PKIA: variants seen among roughly 807,000 people sequenced by gnomAD.
PKIA encodes PKI-alpha.
PKIA carries 4 observed loss-of-function variants against 7.6 expected under a neutral mutation model. The ratio of observed to expected loss-of-function variants is 0.52; its 90% CI spans 0.26 to 1.20. The LOEUF is 1.20. PKIA is among the 50% of genes most tolerant of loss of function. PKIA has a pLI of 0.13. For synonymous variants in PKIA, 21 were observed against 30.7 expected (o/e 0.68, Z 1.04); for missense variants, 73 against 86.2 (o/e 0.85, Z 0.61).
intron 1 of PKIA, among the ~76,000 whole-genome samples, chr8:78,554,504 T>C (rs1807078317): frequency 6.6e-6 from 1 of 152,020 alleles, no homozygotes; most frequent in Non-Finnish European, 1.5e-5. Flanking sequence ...CTTGCACATT[T>C]AGTTAAAATT....
At chr8:78,542,871 T>C (rs1205753414) in intron 1 of PKIA, among the ~76,000 whole-genome samples, 2 of 152,164 alleles carry the variant, frequency 1.3e-5, no homozygotes, top group African/African-American at 4.8e-5. Flanking sequence ...CGTATCCATC[T>C]GAAGATGAAG....
In PKIA at chr8:78,604,504, T is replaced by C. The variant is rs940553498; in HGVS notation, c.*2683T>C. The C allele has an allele frequency of 1.3e-5, 2 of 151,854 alleles. No individual in the cohort carries two copies. Among genetic ancestry groups the C allele is most frequent in the African/African-American group, 4.8e-5 (2 of 41,380 alleles). The allele number at this position is 151,854 out of a possible 1,614,324, so 9.4% of individuals were successfully genotyped here. ...CCATATTTTACAGAAGGAAACTGAA[T>C]CCCAGAAGGAGAAATTGCCGTTCTC... On this transcript the variant is annotated 3_prime_UTR_variant, in exon 4 of 4. Transcript: ENST00000396418.
In PKIA at chr8:78,602,069, C is replaced by G. The variant is rs1808361426; in HGVS notation, c.*248C>G. The G allele has an allele frequency of 2.0e-6, 1 of 500,264 alleles. No homozygotes were observed. Among genetic ancestry groups the G allele is most frequent in the African/African-American group, 2.0e-5 (1 of 50,852 alleles). The allele number at this position is 500,264 out of a possible 1,614,324, so 31.0% of individuals were successfully genotyped here. On this transcript the variant is annotated 3_prime_UTR_variant, in exon 4 of 4. Coordinates refer to ENST00000396418, the MANE Select transcript of PKIA (RefSeq NM_006823.4). ...TTTGGGCGTCATTTTTGTATGGATC[C>G]TTTCACTTGATCATATGACGAAATG...
chr8:78,567,499 A>C (rs1807444677), intron 1 of PKIA, among the ~76,000 whole-genome samples: 1 of 152,120 alleles, frequency 6.6e-6, no homozygotes, highest in African/African-American at 2.4e-5. Flanking sequence ...TGTGCTTTTG[A>C]GGAAGACCAC....
At chr8:78,545,996 T>G (rs1002805790) in intron 1 of PKIA, among the ~76,000 whole-genome samples, 1 of 152,174 alleles carries the variant, frequency 6.6e-6, no homozygotes, top group East Asian at 1.9e-4. Flanking sequence ...AGAATGCTCA[T>G]TAGATTATTT....
At chr8:78,568,687 C>A (rs943142638) in intron 1 of PKIA, among the ~76,000 whole-genome samples, 4 of 152,038 alleles carry the variant, frequency 2.6e-5, no homozygotes, top group African/African-American at 9.7e-5. Flanking sequence ...ATTCCATAAC[C>A]ACCAACAGAC....
intron 3 of PKIA, among the ~76,000 whole-genome samples, chr8:78,601,427 C>G (rs1808346131): frequency 1.3e-5 from 2 of 152,144 alleles, no homozygotes; most frequent in South Asian, 4.1e-4. Flanking sequence ...TGAAACTATA[C>G]CTAAGTGACA....
At chr8:78,565,044 T>C (rs1045038906) in intron 1 of PKIA, among the ~76,000 whole-genome samples, 2 of 151,914 alleles carry the variant, frequency 1.3e-5, no homozygotes, top group African/African-American at 4.8e-5. Flanking sequence ...TTTTGGCCCC[T>C]TTTTAAAGAC....
intron 1 of PKIA, among the ~76,000 whole-genome samples, chr8:78,564,789 G>A (rs1647662591): frequency 6.6e-6 from 1 of 151,826 alleles, no homozygotes; most frequent in South Asian, 2.1e-4. Flanking sequence ...GAAAATTACA[G>A]TCATTAAAAT....
chr8:78,601,898 G>A lies in PKIA; in HGVS notation c.*77G>A. On this transcript the variant is annotated 3_prime_UTR_variant, in exon 4 of 4. Transcript: ENST00000396418. The stretch of plus-strand genomic sequence containing the variant: ...GTATCTGGAATGCATTTGTTTCCAT[G>A]AGTGAAAAGAGGAAAAAGAAAATGG... 1 of 1,127,890 alleles carries A rather than the reference G, an allele frequency of 8.9e-7. No individual in the cohort carries two copies. The highest frequency in any genetic ancestry group is 1.3e-6 in the Non-Finnish European group (1 of 758,088). 69.9% of individuals were successfully genotyped at this position (1,127,890 alleles called of 1,614,324 possible).
chr8:78,549,194 A>AT (rs1296438239), intron 1 of PKIA, among the ~76,000 whole-genome samples: 1 of 152,060 alleles, frequency 6.6e-6, no homozygotes, highest in Non-Finnish European at 1.5e-5. Context: ...TGAAGTCATA[A>AT]TTTTAATGTA....
At chr8:78,570,627 A>G (rs2118552662) in intron 1 of PKIA, among the ~76,000 whole-genome samples, 1 of 151,966 alleles carries the variant, frequency 6.6e-6, no homozygotes, top group Non-Finnish European at 1.5e-5. Flanking sequence ...TCTGTTAAAA[A>G]TCATTCAATG....
At chr8:78,531,550 G>A (rs982228016) in intron 1 of PKIA, among the ~76,000 whole-genome samples, 2 of 152,042 alleles carry the variant, frequency 1.3e-5, no homozygotes, top group Admixed American at 6.6e-5. Context: ...TCTCCTAACA[G>A]CAGCCCTAAA....
intron 2 of PKIA, among the ~76,000 whole-genome samples, chr8:78,577,562 C>T (rs1807704529): frequency 6.6e-6 from 1 of 151,688 alleles, no homozygotes; most frequent in Non-Finnish European, 1.5e-5. Context: ...AGTAACCTAA[C>T]ATAACTTTCA....
rs533369517 is a variant in PKIA, at chr8:78,580,770, T to C, written c.-28+7831T>C. The stretch of plus-strand genomic sequence containing the variant: ...TATTAAAGATGAAGGTAATCAGTGT[T>C]TGTCACTGTCTGAGGAGGAAGTTGA... On this transcript the variant is annotated intron_variant, in intron 2 of 3. Transcript: ENST00000396418. Among the ~76,000 whole-genome samples, 9 of 152,120 alleles carry C rather than the reference T, an allele frequency of 5.9e-5. No individual in the cohort carries two copies. The South Asian group carries it at 1.7e-3, about 28-fold the overall frequency.
intron 1 of PKIA, among the ~76,000 whole-genome samples, chr8:78,560,391 G>A (rs1279375126): frequency 6.6e-6 from 1 of 152,026 alleles, no homozygotes; most frequent in African/African-American, 2.4e-5. Flanking sequence ...AAAAGAAAAC[G>A]TTTTTCTATT....
At chr8:78,584,400 A>C (rs1413217586) in intron 2 of PKIA, among the ~76,000 whole-genome samples, 1 of 152,156 alleles carries the variant, frequency 6.6e-6, no homozygotes, top group African/African-American at 2.4e-5. Context: ...ATAATTTCAC[A>C]TCTGAAACCT....
chr8:78,588,421 G>A (rs572037279), intron 2 of PKIA, among the ~76,000 whole-genome samples: 2 of 152,124 alleles, frequency 1.3e-5, no homozygotes, highest in Non-Finnish European at 1.5e-5. Context: ...CGGAGGTTGC[G>A]GTGAGCCAAG....
At chr8:78,538,892 A>T (rs899747828) in intron 1 of PKIA, among the ~76,000 whole-genome samples, 5 of 151,980 alleles carry the variant, frequency 3.3e-5, no homozygotes, top group African/African-American at 1.2e-4. Context: ...ATTGTGAGAG[A>T]GTGTGGGTGT....
Sources: gnomAD v4.1 joint callset for allele counts (sites outside exome capture counted in the v4.1 genomes callset) on GRCh38, gnomAD v4.1.1 for gene constraint, MANE v1.5 for transcripts, NCBI Gene and HGNC (gene_info 2026-07-23, HGNC 2026-07-21) for gene names.